GPC5: variants seen among roughly 807,000 people sequenced by gnomAD.
GPC5 encodes the protein glypican-5.
In GPC5, 47 loss-of-function variants were observed where a neutral mutation model predicts 53.9. That is an observed-to-expected ratio of 0.87 (90% CI 0.69 to 1.11). The LOEUF (loss-of-function observed/expected upper bound fraction) is 1.11, where lower values mean the gene tolerates loss of function less well. GPC5 is among the 50% of genes most tolerant of loss of function. GPC5 has a pLI of 0.00. For synonymous variants in GPC5, 286 were observed against 263.3 expected (o/e 1.09, Z -0.84); for missense variants, 748 against 713.1 (o/e 1.05, Z -0.56).
At chr13:92,719,629 G>C (rs955683341) in intron 7 of GPC5, among the ~76,000 whole-genome samples, 6 of 152,050 alleles carry the variant, frequency 3.9e-5, no homozygotes, top group South Asian at 2.1e-4. Context: ...ATCCTAACAA[G>C]TATATAGAGA....
chr13:91,878,916 G>A (rs2039233998), intron 5 of GPC5, among the ~76,000 whole-genome samples: 1 of 152,058 alleles, frequency 6.6e-6, no homozygotes, highest in African/African-American at 2.4e-5. Flanking sequence ...GTAATTTAGA[G>A]GCTGAAATAG....
intron 7 of GPC5, among the ~76,000 whole-genome samples, chr13:92,621,412 T>C (rs1276162416): frequency 6.6e-6 from 1 of 152,178 alleles, no homozygotes; most frequent in African/African-American, 2.4e-5. Flanking sequence ...AAAATTCCTT[T>C]TAGTAAAGAT....
chr13:91,539,252 G>GT (rs1271292422), intron 2 of GPC5, among the ~76,000 whole-genome samples: 1 of 152,186 alleles, frequency 6.6e-6, no homozygotes, highest in Non-Finnish European at 1.5e-5. Context: ...GGATTTGTGT[G>GT]TGGGGGGCAG....
chr13:92,181,045 AC>A (rs2042143381), intron 7 of GPC5, among the ~76,000 whole-genome samples: 1 of 152,152 alleles, frequency 6.6e-6, no homozygotes. Context: ...AAACAAACAA[AC>A]AAAAATCAAT....
chr13:92,776,357 C>T (rs535998681), intron 7 of GPC5, among the ~76,000 whole-genome samples: 193 of 152,274 alleles, frequency 1.3e-3, no homozygotes, highest in South Asian at 3.1e-3. Context: ...CCTTCCTTTG[C>T]CTCCTCCTGC....
chr13:91,591,228 G>T (rs1025031346), intron 2 of GPC5, among the ~76,000 whole-genome samples: 1 of 152,124 alleles, frequency 6.6e-6, no homozygotes, highest in African/African-American at 2.4e-5. Flanking sequence ...CCAGAAATTG[G>T]GTTATAAGTG....
chr13:91,490,654 G>T (rs1256006610), intron 2 of GPC5, among the ~76,000 whole-genome samples: 4 of 152,102 alleles, frequency 2.6e-5, no homozygotes, highest in Non-Finnish European at 4.4e-5. Context: ...AACACAATAG[G>T]AGTTGAGTAT....
chr13:91,888,490 C>T lies in GPC5; in HGVS notation c.1281-19447C>T, dbSNP rs564229004. Reference sequence around the variant, plus strand: ...ATCTGTGGTGGAGATAAGGTTGATACGCACAGCTTCTCTCAGTTGTGAGCG... The same window carrying T: ...ATCTGTGGTGGAGATAAGGTTGATATGCACAGCTTCTCTCAGTTGTGAGCG... On this transcript the variant is annotated intron_variant, in intron 5 of 7. Transcript: ENST00000377067. Among the ~76,000 whole-genome samples, 10 of 152,256 alleles carry T rather than the reference C, an allele frequency of 6.6e-5. No homozygotes were observed. The South Asian group carries it at 1.0e-3, about 16-fold the overall frequency.
Position 91,658,358 on chromosome 13 carries a change from A to G in GPC5, c.326-34829A>G, listed in dbSNP as rs953631816. Among the ~76,000 whole-genome samples the G allele has an allele frequency of 2.7e-5, 4 of 150,214 alleles. No individual in the cohort carries two copies. In the East Asian group the frequency reaches 5.9e-4, roughly 22 times the overall value. ...GCCATAGCACATTTCTTGTTTTCAA[A>G]TTGGATTGTTTCATATTTTGGGGGA... On this transcript the variant is annotated intron_variant, in intron 2 of 7. Coordinates refer to ENST00000377067, the MANE Select transcript of GPC5 (RefSeq NM_004466.6).
chr13:92,700,896 C>T (rs181640071), intron 7 of GPC5, among the ~76,000 whole-genome samples: 10 of 152,166 alleles, frequency 6.6e-5, no homozygotes, highest in Admixed American at 2.0e-4. Context: ...TCTTTGGCAT[C>T]TAGTCTACAT....
chr13:92,830,626 A>T (rs541055298), intron 7 of GPC5, among the ~76,000 whole-genome samples: 31 of 152,204 alleles, frequency 2.0e-4, no homozygotes, highest in South Asian at 4.1e-4. Flanking sequence ...GATTTTTTTT[A>T]AAAAAGCTTT....
At chr13:91,579,935 T>G (rs2032294482) in intron 2 of GPC5, among the ~76,000 whole-genome samples, 1 of 152,120 alleles carries the variant, frequency 6.6e-6, no homozygotes, top group African/African-American at 2.4e-5. Context: ...AGTAAGAGCC[T>G]CAGAATTAGA....
chr13:91,645,421 A>G (rs2034534814), intron 2 of GPC5, among the ~76,000 whole-genome samples: 1 of 152,110 alleles, frequency 6.6e-6, no homozygotes, highest in African/African-American at 2.4e-5. Context: ...CTAACTCCAT[A>G]AACTTGACAC....
chr13:92,230,832 C>G (rs958522125), intron 7 of GPC5, among the ~76,000 whole-genome samples: 2 of 151,920 alleles, frequency 1.3e-5, no homozygotes, highest in African/African-American at 4.8e-5. Flanking sequence ...TACATTGATT[C>G]ATAAAAATAA....
At chr13:92,061,946 T>A (rs1307372990) in intron 6 of GPC5, among the ~76,000 whole-genome samples, 3 of 152,054 alleles carry the variant, frequency 2.0e-5, no homozygotes, top group East Asian at 3.8e-4. Context: ...TCCCTACTAT[T>A]CTATTTTGCT....
chr13:92,325,283 A>G (rs1392898958), intron 7 of GPC5, among the ~76,000 whole-genome samples: 2 of 152,090 alleles, frequency 1.3e-5, no homozygotes, highest in Non-Finnish European at 2.9e-5. Flanking sequence ...GTGAAGGGAC[A>G]GTCAATGCCT....
At chr13:92,611,222 A>C (rs1373536671) in intron 7 of GPC5, among the ~76,000 whole-genome samples, 1 of 152,202 alleles carries the variant, frequency 6.6e-6, no homozygotes, top group African/African-American at 2.4e-5. Context: ...ACCAATGAAT[A>C]GAATGTAACT....
intron 2 of GPC5, among the ~76,000 whole-genome samples, chr13:91,664,854 A>G (rs1594399376): frequency 6.6e-6 from 1 of 152,238 alleles, no homozygotes; most frequent in Non-Finnish European, 1.5e-5. Context: ...TTACCTGTGG[A>G]TCCTCTAAGA....
At chr13:92,475,544 A>G (rs1007383133) in intron 7 of GPC5, among the ~76,000 whole-genome samples, 1 of 151,570 alleles carries the variant, frequency 6.6e-6, no homozygotes, top group African/African-American at 2.4e-5. Context: ...ATTTTTGTAC[A>G]TTGATTTTGT....
Sources: gnomAD v4.1 joint callset for allele counts (sites outside exome capture counted in the v4.1 genomes callset) on GRCh38, gnomAD v4.1.1 for gene constraint, MANE v1.5 for transcripts, NCBI Gene and HGNC (gene_info 2026-07-23, HGNC 2026-07-21) for gene names.